The following CKLF variants were observed in gnomAD, a reference collection of about 807,000 sequenced individuals.
CKLF encodes chemokine like factor.
In CKLF, 16 loss-of-function variants were observed where a neutral mutation model predicts 12.9. The observed-to-expected ratio is 1.24, with a 90% CI of 0.84 to 1.88. The LOEUF (loss-of-function observed/expected upper bound fraction) is 1.88. CKLF is among the 40% of genes most tolerant of loss of function. The probability of loss-of-function intolerance (pLI) is 0.00; values close to 1 mark genes in which losing one functional copy is unlikely to be tolerated. For synonymous variants in CKLF, 61 were observed against 69.0 expected (o/e 0.88, Z 0.57); for missense variants, 172 against 188.5 (o/e 0.91, Z 0.51).
intron 1 of CKLF, among the ~76,000 whole-genome samples, chr16:66,555,459 C>A (rs1410154550): frequency 6.6e-6 from 1 of 152,048 alleles, no homozygotes; most frequent in Non-Finnish European, 1.5e-5. Flanking sequence ...TGCTGATGAG[C>A]CAGATGTGGG....
At chr16:66,555,339 T>C (rs923559057) in intron 1 of CKLF, among the ~76,000 whole-genome samples, 1 of 152,170 alleles carries the variant, frequency 6.6e-6, no homozygotes, top group Non-Finnish European at 1.5e-5. Context: ...AGGAGACCAA[T>C]TGCAGTAATC....
In CKLF at chr16:66,558,221, T is replaced by C; in HGVS notation, c.110T>C (p.Ile37Thr). The C allele has an allele frequency of 5.0e-6, 8 of 1,612,608 alleles. No homozygotes were observed. Among genetic ancestry groups the C allele is most frequent in the Non-Finnish European group, 6.8e-6 (8 of 1,179,734 alleles). Residue 37 changes from isoleucine to threonine, a missense_variant, in exon 2 of 4, where the codon ATC becomes ACC. Ile to Thr is a moderately conservative substitution (Grantham distance 89). Transcript: ENST00000264001. ...ALTVTSMTFFIIAQAPEPYIV... is the reference protein window; with the variant it reads ...ALTVTSMTFFTIAQAPEPYIV... ...ACTGTGACATCTATGACCTTTTTTATCATCGCACAAGCCCCTGAACCATAT... is the reference window on the plus strand; with the variant it reads ...ACTGTGACATCTATGACCTTTTTTACCATCGCACAAGCCCCTGAACCATAT...
chr16:66,560,156 T>C (rs963256573), intron 2 of CKLF, among the ~76,000 whole-genome samples: 1 of 152,082 alleles, frequency 6.6e-6, no homozygotes, highest in African/African-American at 2.4e-5. Context: ...GAAGGGAAAG[T>C]GCTTTTCTGC....
intron 1 of CKLF, among the ~76,000 whole-genome samples, chr16:66,556,021 T>A (rs1036775245): frequency 1.3e-5 from 2 of 152,120 alleles, no homozygotes; most frequent in African/African-American, 2.4e-5. Flanking sequence ...TTCCTGTAGG[T>A]TATCCAGATA....
chr16:66,554,342 A>C (rs960910068), intron 1 of CKLF, among the ~76,000 whole-genome samples: 3 of 152,256 alleles, frequency 2.0e-5, no homozygotes, highest in African/African-American at 7.2e-5. Context: ...AGCTCTTCCT[A>C]GAGCAATCTA....
chr16:66,558,514 G>C, intron 2 of CKLF, 166 bp downstream of exon 2: 1 of 948,576 alleles, frequency 1.1e-6, no homozygotes, highest in Non-Finnish European at 1.5e-6. Flanking sequence ...TTTGGGAGAG[G>C]GTCTCAAGGA....
chr16:66,553,029 G>T (rs1207274584), intron 1 of CKLF, among the ~76,000 whole-genome samples: 1 of 152,162 alleles, frequency 6.6e-6, no homozygotes, highest in Admixed American at 6.5e-5. Context: ...GCGCCGTGGC[G>T]CACACCTGTG....
chr16:66,552,814 G>A lies in CKLF; in HGVS notation c.78+21G>A, dbSNP rs530755569. The A allele has an allele frequency of 9.3e-6, 15 of 1,613,862 alleles. No homozygotes were observed. In the African/African-American group the frequency reaches 1.6e-4, roughly 17 times the overall value. On this transcript the variant is annotated intron_variant, in intron 1 of 3. Transcript: ENST00000264001. Reference sequence around the variant, plus strand: ...GGCTGGTGAGGCCGGGCCGCGGAGGGCGGGAGGCTGATGAAGCTGCTGGGG... The same window carrying A: ...GGCTGGTGAGGCCGGGCCGCGGAGGACGGGAGGCTGATGAAGCTGCTGGGG...
intron 2 of CKLF, among the ~76,000 whole-genome samples, chr16:66,559,002 T>G (rs1295649637): frequency 1.3e-5 from 2 of 152,228 alleles, no homozygotes; most frequent in East Asian, 3.8e-4. Flanking sequence ...CCCCTCAGCC[T>G]GGACTAGAAG....
intron 2 of CKLF, among the ~76,000 whole-genome samples, chr16:66,561,876 G>A (rs564213347): frequency 6.6e-6 from 1 of 152,124 alleles, no homozygotes; most frequent in African/African-American, 2.4e-5. Flanking sequence ...CCTTTCCCAC[G>A]CTACACATCC....
intron 3 of CKLF, among the ~76,000 whole-genome samples, chr16:66,564,754 G>C (rs1178443970): frequency 2.0e-5 from 3 of 152,228 alleles, no homozygotes; most frequent in African/African-American, 7.2e-5. Context: ...ACAGGCGTGA[G>C]CCACCGCGCC....
chr16:66,564,469 CTTTTTTTTTT>C (rs552824877), intron 3 of CKLF, among the ~76,000 whole-genome samples: 1 of 142,662 alleles, frequency 7.0e-6, no homozygotes, highest in South Asian at 2.2e-4. Flanking sequence ...TTATTTTTTT[CTTTTTTTTTT>C]TTTTCTGAGA....
At chr16:66,557,717 T>C (rs1159029186) in intron 1 of CKLF, among the ~76,000 whole-genome samples, 3 of 152,172 alleles carry the variant, frequency 2.0e-5, no homozygotes, top group Non-Finnish European at 4.4e-5. Context: ...ACAACTGAGA[T>C]GTTTCTAGGA....
intron 2 of CKLF, among the ~76,000 whole-genome samples, chr16:66,562,108 G>A (rs535373929): frequency 2.7e-5 from 4 of 149,176 alleles, no homozygotes; most frequent in Admixed American, 6.7e-5. Flanking sequence ...TTTTTGAGAC[G>A]GAGTAAAAAA....
intron 2 of CKLF, among the ~76,000 whole-genome samples, chr16:66,562,395 A>T (rs888941492): frequency 1.3e-5 from 2 of 152,200 alleles, no homozygotes; most frequent in Non-Finnish European, 2.9e-5. Flanking sequence ...TACAATGTAG[A>T]CTACTCTGCA....
chr16:66,558,102 C>G (rs1206858280), intron 1 of CKLF, 88 bp from the exon 2 acceptor site: 10 of 1,567,434 alleles, frequency 6.4e-6, no homozygotes, highest in Admixed American at 2.0e-5. Context: ...CCCACTGTGC[C>G]CAGCCTATTA....
intron 1 of CKLF, among the ~76,000 whole-genome samples, chr16:66,554,938 A>G (rs12444497): frequency 0.059 from 8,981 of 152,226 alleles, 409 homozygotes; most frequent in East Asian, 0.12. Flanking sequence ...TCTAACTTAC[A>G]TTTTAAAAGT....
chr16:66,555,492 C>G (rs1306665328), intron 1 of CKLF, among the ~76,000 whole-genome samples: 1 of 152,162 alleles, frequency 6.6e-6, no homozygotes, highest in Non-Finnish European at 1.5e-5. Context: ...TCCAAGACAG[C>G]TTCTGAAGTT....
rs1161052525 is a variant in CKLF, at chr16:66,553,452, C to T, written c.78+659C>T. The T allele has an allele frequency of 2.0e-5, 3 of 152,164 alleles. No homozygotes were observed. The East Asian group carries it at 5.8e-4, about 29-fold the overall frequency. The allele number at this position is 152,164 out of a possible 1,614,324, so 9.4% of individuals were successfully genotyped here. Reference sequence around the variant, plus strand: ...TCGTTTCCGGGAGCAGACTTCCTACCGGGAGCACTGCAGTCACTTCTGAAC... The same window carrying T: ...TCGTTTCCGGGAGCAGACTTCCTACTGGGAGCACTGCAGTCACTTCTGAAC... On this transcript the variant is annotated intron_variant, in intron 1 of 3. Transcript: ENST00000264001.
Sources: allele counts gnomAD v4.1 joint callset (sites outside exome capture counted in the v4.1 genomes callset), GRCh38; gene constraint gnomAD v4.1.1; transcripts MANE v1.5; gene names NCBI Gene and HGNC (gene_info 2026-07-23, HGNC 2026-07-21).